WDR25: variants seen among roughly 807,000 people sequenced by gnomAD.
WDR25 encodes the protein WD repeat-containing protein 25.
In WDR25, 35 loss-of-function variants were observed where a neutral mutation model predicts 47.7. The ratio of observed to expected loss-of-function variants is 0.73; its 90% CI spans 0.56 to 0.97. WDR25 has a LOEUF of 0.97. Among genes scored for constraint, WDR25 ranks in the 50% least tolerant of loss-of-function variants. WDR25 has a pLI of 0.00. For missense variants in WDR25, 634 were observed against 704.7 expected, an observed-to-expected ratio of 0.90 and a Z score of 1.14; for synonymous variants, 248 against 278.9, an observed-to-expected ratio of 0.89 and a Z score of 1.10.
At chr14:100,435,579 C>T (rs1898475508) in intron 2 of WDR25, among the ~76,000 whole-genome samples, 1 of 152,204 alleles carries the variant, frequency 6.6e-6, no homozygotes, top group Admixed American at 6.5e-5. Context: ...GAGCCCTGGC[C>T]TGGCCTTAAC....
At chr14:100,419,153 C>T (rs112962242) in intron 2 of WDR25, among the ~76,000 whole-genome samples, 2,364 of 147,322 alleles carry the variant, frequency 0.016, 39 homozygotes, top group African/African-American at 0.034. Flanking sequence ...ACTCTGGAGG[C>T]GGAGATTGCA....
At chr14:100,417,003 T>C (rs1248489233) in intron 2 of WDR25, among the ~76,000 whole-genome samples, 1 of 152,218 alleles carries the variant, frequency 6.6e-6, no homozygotes, top group Non-Finnish European at 1.5e-5. Flanking sequence ...GCGTGGATGA[T>C]TCAGAAGTCA....
intron 4 of WDR25, among the ~76,000 whole-genome samples, chr14:100,497,739 G>A (rs1347318920): frequency 6.6e-6 from 1 of 151,994 alleles, no homozygotes; most frequent in Admixed American, 6.6e-5. Context: ...CTTCTTTTTG[G>A]CTAAATGTCA....
At chr14:100,477,171 C>T (rs754973136) in intron 3 of WDR25, among the ~76,000 whole-genome samples, 4 of 152,200 alleles carry the variant, frequency 2.6e-5, no homozygotes, top group Non-Finnish European at 4.4e-5. Flanking sequence ...AGCCACTATT[C>T]CAGAGTTCCC....
chr14:100,400,519 C>T (rs1897353672), intron 2 of WDR25, among the ~76,000 whole-genome samples: 1 of 152,204 alleles, frequency 6.6e-6, no homozygotes, highest in African/African-American at 2.4e-5. Flanking sequence ...AGTACTTATT[C>T]CCAAAGGTAA....
In WDR25 at chr14:100,518,003, C is replaced by A. The variant is rs61022285; in HGVS notation, c.1102-7867C>A. ...CTATATATTTTTTTCAAGAGTCATA[C>A]GTATTTCATATAACTTAAGTGAAAA... On this transcript the variant is annotated intron_variant, in intron 4 of 6. Coordinates refer to ENST00000402312, the MANE Select transcript of WDR25 (RefSeq NM_001161476.3). Among the ~76,000 whole-genome samples the A allele has an allele frequency of 4.1e-3, 628 of 152,186 alleles. 8 individuals carry two copies. The highest frequency in any genetic ancestry group is 0.014 in the African/African-American group (600 of 41,552).
At chr14:100,495,725 T>C (rs889492411) in intron 4 of WDR25, among the ~76,000 whole-genome samples, 2 of 152,212 alleles carry the variant, frequency 1.3e-5, no homozygotes, top group Non-Finnish European at 2.9e-5. Context: ...GTTTTCCAGT[T>C]TGTTCAGCTT....
In WDR25 at chr14:100,381,741, T is replaced by G; in HGVS notation, c.817T>G (p.Phe273Val). ...MLLSTSMDKT[F>V]KVWNAVDSGH... ...TCTCTCCACTTCTATGGATAAAACT[T>G]TCAAGGTAAGACTTGAATGAAAACT... Residue 273 changes from phenylalanine (F) to valine (V), a missense_variant, in exon 2 of 7, where the codon TTC becomes GTC. By Grantham distance (50) the Phe-to-Val change is conservative (BLOSUM62 -1). Transcript: ENST00000402312. 6.3e-7 allele frequency: 1 copy of G among 1,595,568 alleles called. No homozygotes were observed. The highest frequency in any genetic ancestry group is 1.1e-5 in the South Asian group (1 of 89,214).
intron 3 of WDR25, among the ~76,000 whole-genome samples, chr14:100,472,930 C>G (rs1245042928): frequency 2.6e-5 from 4 of 152,252 alleles, no homozygotes; most frequent in Non-Finnish European, 4.4e-5. Flanking sequence ...CTGTCCCCAG[C>G]TTTTGGCTGG....
chr14:100,402,367 A>T (rs1313426692), intron 2 of WDR25, among the ~76,000 whole-genome samples: 2 of 142,652 alleles, frequency 1.4e-5, no homozygotes, highest in African/African-American at 5.1e-5. Flanking sequence ...GCTTTCTCCT[A>T]AAAAAAAAAA....
chr14:100,520,251 A>G (rs1901673012), intron 4 of WDR25, among the ~76,000 whole-genome samples: 1 of 151,764 alleles, frequency 6.6e-6, no homozygotes, highest in South Asian at 2.1e-4. Context: ...GACAAAATAT[A>G]TTATTGTTTA....
At chr14:100,446,861 A>C (rs907838621) in intron 2 of WDR25, among the ~76,000 whole-genome samples, 1 of 152,178 alleles carries the variant, frequency 6.6e-6, no homozygotes, top group South Asian at 2.1e-4. Flanking sequence ...CACCGCATGG[A>C]TGCAGGGATT....
chr14:100,513,847 C>G (rs927596066), intron 4 of WDR25, among the ~76,000 whole-genome samples: 2 of 151,382 alleles, frequency 1.3e-5, no homozygotes, highest in South Asian at 4.2e-4. Context: ...CCCTCTTTAT[C>G]CCTTTATTCT....
At chr14:100,400,938 G>A (rs1352104505) in intron 2 of WDR25, among the ~76,000 whole-genome samples, 4 of 152,082 alleles carry the variant, frequency 2.6e-5, no homozygotes, top group Non-Finnish European at 4.4e-5. Flanking sequence ...TTAGAAGAAA[G>A]GTTTGAAATT....
At chr14:100,383,534 C>T (rs1896953074) in intron 2 of WDR25, among the ~76,000 whole-genome samples, 1 of 152,264 alleles carries the variant, frequency 6.6e-6, no homozygotes, top group South Asian at 2.1e-4. Context: ...GCCCGCTCAC[C>T]TCTGGAGTTC....
chr14:100,459,951 T>C (rs113964439), intron 2 of WDR25, among the ~76,000 whole-genome samples: 7,650 of 91,126 alleles, frequency 0.084, 614 homozygotes, highest in African/African-American at 0.15. Context: ...CACATACACA[T>C]ACACACACAT....
chr14:100,380,864 ATTC>A, intron 1 of WDR25, 43 bp from the exon 2 acceptor site: 1 of 1,521,408 alleles, frequency 6.6e-7, no homozygotes, highest in South Asian at 1.2e-5. Flanking sequence ...CTACATACAT[ATTC>A]TTCCATGCAC....
chr14:100,409,501 G>T (rs1897645013), intron 2 of WDR25, among the ~76,000 whole-genome samples: 1 of 149,898 alleles, frequency 6.7e-6, no homozygotes, highest in Admixed American at 6.7e-5. Flanking sequence ...CAGAGCACCT[G>T]GCACTTGAAA....
At chr14:100,459,236 G>A (rs1899298434) in intron 2 of WDR25, among the ~76,000 whole-genome samples, 1 of 152,130 alleles carries the variant, frequency 6.6e-6, no homozygotes, top group South Asian at 2.1e-4. Context: ...CTAAGGTAAT[G>A]TTATGACCAC....
Sources: allele counts gnomAD v4.1 joint callset (sites outside exome capture counted in the v4.1 genomes callset), GRCh38; gene constraint gnomAD v4.1.1; transcripts MANE v1.5; gene names NCBI Gene and HGNC (gene_info 2026-07-23, HGNC 2026-07-21).